The following TANGO6 variants were observed in gnomAD, a reference collection of about 807,000 sequenced individuals.
The protein encoded by TANGO6 is transport and Golgi organization protein 6 homolog.
A neutral mutation model predicts 114.2 loss-of-function variants in TANGO6; 90 were observed. That is an observed-to-expected ratio of 0.79 (90% CI 0.66 to 0.94). The LOEUF is 0.94. Among genes scored for constraint, TANGO6 ranks in the 40% least tolerant of loss-of-function variants. TANGO6 has a pLI of 0.00. For synonymous variants in TANGO6, 477 were observed against 509.8 expected (o/e 0.94, Z 0.87); for missense variants, 1,274 against 1,315.3 (o/e 0.97, Z 0.49).
At chr16:69,081,117 G>T (rs1306410094) in intron 17 of TANGO6, among the ~76,000 whole-genome samples, 1 of 152,064 alleles carries the variant, frequency 6.6e-6, no homozygotes, top group African/African-American at 2.4e-5. Context: ...CAGCCTGAGC[G>T]ACAGAGCACA....
At chr16:68,846,246 G>A (rs1187217502) in intron 1 of TANGO6, among the ~76,000 whole-genome samples, 11 of 152,068 alleles carry the variant, frequency 7.2e-5, no homozygotes, top group Admixed American at 2.0e-4. Flanking sequence ...GGCGAGTCTC[G>A]AACTCCTGAC....
At chr16:68,910,497 A>T (rs1032225678) in intron 11 of TANGO6, among the ~76,000 whole-genome samples, 1 of 152,174 alleles carries the variant, frequency 6.6e-6, no homozygotes, top group Non-Finnish European at 1.5e-5. Flanking sequence ...GAGCTTTTGC[A>T]CTTAGCTCCC....
intron 14 of TANGO6, chr16:68,933,880 A>G (rs919243996): frequency 1.3e-5 from 2 of 152,238 alleles, no homozygotes; most frequent in Admixed American, 1.3e-4. Flanking sequence ...TCCCAGAGGC[A>G]AGGTTGTCAG....
At chr16:68,918,371 C>T (rs1278870050) in intron 11 of TANGO6, among the ~76,000 whole-genome samples, 2 of 152,126 alleles carry the variant, frequency 1.3e-5, no homozygotes, top group African/African-American at 4.8e-5. Context: ...CAGTGAAGTC[C>T]AGCTTATCAT....
intron 12 of TANGO6, among the ~76,000 whole-genome samples, chr16:68,924,655 T>C (rs1963143173): frequency 6.6e-6 from 1 of 151,240 alleles, no homozygotes; most frequent in African/African-American, 2.4e-5. Flanking sequence ...CCGGGTATGG[T>C]GGCGGGCACC....
chr16:68,932,738 C>T (rs1963258464), intron 14 of TANGO6, among the ~76,000 whole-genome samples: 2 of 151,580 alleles, frequency 1.3e-5, no homozygotes, highest in South Asian at 2.1e-4. Flanking sequence ...TGCAGTGAGC[C>T]GAGATTGCAC....
At chr16:68,934,242 G>T (rs546498188) in intron 14 of TANGO6, among the ~76,000 whole-genome samples, 14 of 152,062 alleles carry the variant, frequency 9.2e-5, no homozygotes, top group African/African-American at 2.9e-4. Context: ...AGAGATGGGG[G>T]TCTCACTATG....
rs188322165 is a variant in TANGO6 at position 69,042,659 on chromosome 16, A to G, written c.3108+2238A>G. Among the ~76,000 whole-genome samples, 14 of 152,292 alleles carry G rather than the reference A, an allele frequency of 9.2e-5. No homozygotes were observed. In the East Asian group the frequency reaches 2.5e-3, roughly 27 times the overall value. On this transcript the variant is annotated intron_variant, in intron 17 of 17. Transcript: ENST00000261778. Reference sequence around the variant, plus strand: ...CTTAGGACCTTGATGGGGATGGGGGACATATAGATCATAGCTCAGTAATTT... The same window carrying G: ...CTTAGGACCTTGATGGGGATGGGGGGCATATAGATCATAGCTCAGTAATTT...
intron 1 of TANGO6, among the ~76,000 whole-genome samples, chr16:68,853,890 G>A (rs75643087): frequency 0.012 from 1,868 of 152,170 alleles, 35 homozygotes; most frequent in African/African-American, 0.04. Flanking sequence ...ATGATATTGA[G>A]CATCTTTTCA....
At chr16:68,849,020 G>A (rs1175138003) in intron 1 of TANGO6, among the ~76,000 whole-genome samples, 2 of 152,064 alleles carry the variant, frequency 1.3e-5, no homozygotes, top group South Asian at 2.1e-4. Context: ...ACCGCAATGC[G>A]GACACAGGAT....
chr16:69,061,739 C>G (rs1040145796), intron 17 of TANGO6, among the ~76,000 whole-genome samples: 1 of 151,154 alleles, frequency 6.6e-6, no homozygotes, highest in African/African-American at 2.4e-5. Context: ...CATTTCCGGC[C>G]GGGCGCGCGG....
At chr16:68,860,592 A>G in intron 2 of TANGO6, 68 bp downstream of exon 2, 1 of 1,539,724 alleles carries the variant, frequency 6.5e-7, no homozygotes, top group Non-Finnish European at 8.7e-7. Context: ...ATATTTGTGG[A>G]TAGTTGTTAT....
rs923085465 is a variant in TANGO6, at chr16:69,061,887, T to C, written c.3108+21466T>C. Among the ~76,000 whole-genome samples, 6 of 151,806 alleles carry C rather than the reference T, an allele frequency of 4.0e-5. No homozygotes were observed. The East Asian group carries it at 1.2e-3, about 30-fold the overall frequency. On this transcript the variant is annotated intron_variant, in intron 17 of 17. Coordinates refer to ENST00000261778, the MANE Select transcript of TANGO6 (RefSeq NM_024562.2). ...ACAAAAAATTAGCCGGGCATGGTGG[T>C]GGGCGCCTATAGTCCCAGCTAGTCA...
At chr16:68,896,723 A>G (rs368424388) in intron 7 of TANGO6, among the ~76,000 whole-genome samples, 1 of 152,298 alleles carries the variant, frequency 6.6e-6, no homozygotes, top group Admixed American at 6.5e-5. Flanking sequence ...GCAATTGTGT[A>G]TAGATCAAGG....
intron 17 of TANGO6, among the ~76,000 whole-genome samples, chr16:69,081,681 T>C (rs1399954728): frequency 1.3e-5 from 2 of 152,092 alleles, no homozygotes; most frequent in African/African-American, 4.8e-5. Flanking sequence ...TTGAAACCTG[T>C]TTCTTGCTAG....
chr16:68,952,096 A>G (rs532045966), intron 14 of TANGO6, among the ~76,000 whole-genome samples: 1 of 152,282 alleles, frequency 6.6e-6, no homozygotes, highest in East Asian at 1.9e-4. Context: ...AACATGAGAT[A>G]CCTCCAGGTA....
intron 9 of TANGO6, 86 bp from the exon 10 acceptor site, chr16:68,907,356 CA>C: frequency 2.2e-6 from 3 of 1,361,986 alleles, no homozygotes; most frequent in Non-Finnish European, 2.9e-6. Flanking sequence ...TTGGACATAA[CA>C]TGTTACTTTA....
chr16:69,049,389 G>A (rs1338283318), intron 17 of TANGO6, among the ~76,000 whole-genome samples: 1 of 151,158 alleles, frequency 6.6e-6, no homozygotes, highest in African/African-American at 2.4e-5. Flanking sequence ...AGTATCATGT[G>A]GTTAAGGCTC....
chr16:69,079,692 AT>A (rs1274234559), intron 17 of TANGO6, among the ~76,000 whole-genome samples: 1 of 152,354 alleles, frequency 6.6e-6, no homozygotes, highest in East Asian at 1.9e-4. Flanking sequence ...TAACAGCAAA[AT>A]GCTATTTTTT....
Sources: allele counts gnomAD v4.1 joint callset (sites outside exome capture counted in the v4.1 genomes callset), GRCh38; gene constraint gnomAD v4.1.1; transcripts MANE v1.5; gene names NCBI Gene and HGNC (gene_info 2026-07-23, HGNC 2026-07-21).